The following ARHGAP29 variants were observed in gnomAD, a reference collection of about 807,000 sequenced individuals.
ARHGAP29 encodes the protein Rho GTPase activating protein 29.
ARHGAP29 carries 43 observed loss-of-function variants against 122.6 expected under a neutral mutation model. That is an observed-to-expected ratio of 0.35 (90% CI 0.27 to 0.45). ARHGAP29 has a LOEUF of 0.45. ARHGAP29 is among the 20% of genes least tolerant of loss of function. ARHGAP29 has a pLI of 1.00. For missense variants in ARHGAP29, 1,303 were observed against 1,477.2 expected (o/e 0.88, Z 1.93); for synonymous variants, 506 against 497.1 (o/e 1.02, Z -0.24).
upstream of ARHGAP29, among the ~76,000 whole-genome samples, chr1:94,238,053 ATTTTTTTTTTTTTTT>A (rs71717670): frequency 1.6e-5 from 1 of 61,008 alleles, no homozygotes; most frequent in South Asian, 7.0e-4. Flanking sequence ...GCCTATCTGT[ATTTTTTTTTTTTTTT>A]TTTTTTTTTT....
At position 94,269,082 on chromosome 1, in the gene ARHGAP29, A is replaced by G. The variant is rs182443050; in HGVS notation, c.-33+5930T>C. 1.1e-3 allele frequency among the ~76,000 whole-genome samples: 163 copies of G among 152,300 alleles called. 1 individual carries two copies. The highest frequency in any genetic ancestry group is 3.8e-3 in the African/African-American group (160 of 41,574). On this transcript the variant is annotated intron_variant and NMD_transcript_variant, in intron 1 of 25. Transcript: ENST00000552844. ...CTATTTTGAGGGAATGTTTATTTCT[A>G]AAGAAATAGCTATTTCATCACATAT...
chr1:94,202,809 A>G, intron 10 of ARHGAP29, 77 bp from the exon 11 acceptor site: 1 of 1,553,120 alleles, frequency 6.4e-7, no homozygotes, highest in Non-Finnish European at 8.7e-7. Context: ...ATTCAGCAAG[A>G]TAGTTAAGAC....
At chr1:94,237,683 C>T (rs1319198718), upstream of ARHGAP29, 4 of 985,474 alleles carry the variant, frequency 4.1e-6, no homozygotes, top group Non-Finnish European at 4.8e-6. Flanking sequence ...CTCCCGGGGG[C>T]GGGGCCGGCG....
At position 94,169,253 on chromosome 1, in the gene ARHGAP29, T is replaced by C. The variant is rs1298620426; in HGVS notation, c.*4616A>G. On this transcript the variant is annotated 3_prime_UTR_variant, in exon 23 of 23. Coordinates refer to ENST00000260526, the MANE Select transcript of ARHGAP29 (RefSeq NM_004815.4). ...AGATGACAGGAGCCTAGGATTCCAA[T>C]GGTGTGCTCAGGACTGACATCACTG... 6.6e-6 allele frequency among the ~76,000 whole-genome samples: 1 copy of C among 152,210 alleles called. No homozygotes were observed. The highest frequency in any genetic ancestry group is 1.5e-5 in the Non-Finnish European group (1 of 68,022).
intron 19 of ARHGAP29, among the ~76,000 whole-genome samples, chr1:94,180,311 G>A (rs768437450): frequency 1.1e-4 from 17 of 152,002 alleles, no homozygotes; most frequent in African/African-American, 4.1e-4. Flanking sequence ...TAAAACCCAG[G>A]ATAATGCACA....
chr1:94,251,245 A>G (rs1328713944), intron 1 of ARHGAP29, among the ~76,000 whole-genome samples: 2 of 147,004 alleles, frequency 1.4e-5, no homozygotes, highest in Non-Finnish European at 3.0e-5. Context: ...ATCTTGGCTT[A>G]CTGCAAGCTC....
At position 94,184,244 on chromosome 1, in the gene ARHGAP29, C is replaced by A; in HGVS notation, c.2154G>T (p.Leu718Phe). Residue 718 changes from leucine (L) to phenylalanine (F), a missense_variant, in exon 19 of 23, where the codon TTG (leucine) becomes TTT (phenylalanine). Around this residue, in one of 3 missense-constraint regions of ARHGAP29, gnomAD observed 620 missense variants for 651.2 expected, o/e 0.95. Coordinates refer to ENST00000260526, the MANE Select transcript of ARHGAP29 (RefSeq NM_004815.4). ...GCATTCCATTTTCCAAAGCTTGACA[C>A]AATTTTTCAGTTTTTATTTTGTTTC... The part of the protein sequence containing the change: ...VCGNKIKTEK[L>F]CQALENGMHL... 6.2e-7 allele frequency: 1 copy of A among 1,612,208 alleles called. No individual in the cohort carries two copies. The highest frequency in any genetic ancestry group is 8.5e-7 in the Non-Finnish European group (1 of 1,179,332).
the ARHGAP29 span, chr1:94,303,157 C>T: frequency 6.6e-6 from 1 of 152,410 alleles, no homozygotes; most frequent in Admixed American, 6.5e-5. Flanking sequence ...ACATCAGACA[C>T]CCTGAAAAGG....
At chr1:94,177,533 CT>C in intron 22 of ARHGAP29, 78 bp downstream of exon 22, 14 of 1,091,966 alleles carry the variant, frequency 1.3e-5, no homozygotes, top group Non-Finnish European at 1.7e-5. Context: ...CTCATTGCCC[CT>C]CACCTTGGTT....
chr1:94,223,586 TA>T (rs890165761), intron 2 of ARHGAP29, among the ~76,000 whole-genome samples: 1 of 151,752 alleles, frequency 6.6e-6, no homozygotes, highest in African/African-American at 2.4e-5. Context: ...ATTTGGCCAC[TA>T]AAAAAAACTA....
At chr1:94,220,141 T>G in intron 3 of ARHGAP29, 117 bp downstream of exon 3, 2 of 1,153,406 alleles carry the variant, frequency 1.7e-6, no homozygotes, top group Admixed American at 4.3e-5. Flanking sequence ...AACTCCTTAT[T>G]AACATACATC....
Position 94,188,832 on chromosome 1 carries a change from T to G in ARHGAP29, c.1681+5A>C, listed in dbSNP as rs747005767. ...TTTCATTGCCAGACTTAAATATAGA[T>G]GTACCTGGACTTATAGATTCTGAAT... On this transcript the variant is annotated splice_donor_5th_base_variant and intron_variant, in intron 15 of 22. Coordinates refer to ENST00000260526, the MANE Select transcript of ARHGAP29 (RefSeq NM_004815.4). The G allele has an allele frequency of 1.6e-5, 26 of 1,606,440 alleles. No individual in the cohort carries two copies. The East Asian group carries it at 5.1e-4, about 32-fold the overall frequency.
chr1:94,296,276 C>G, the ARHGAP29 span, among the ~76,000 whole-genome samples: 1 of 152,124 alleles, frequency 6.6e-6, no homozygotes, highest in Admixed American at 6.5e-5. Flanking sequence ...CTTAGTAGCT[C>G]TCTCAGTTAG....
At chr1:94,270,433 G>T (rs1216139817) in intron 1 of ARHGAP29, among the ~76,000 whole-genome samples, 1 of 152,182 alleles carries the variant, frequency 6.6e-6, no homozygotes, top group Non-Finnish European at 1.5e-5. Context: ...GGGATGCCAG[G>T]TACCCGGAAC....
chr1:94,256,382 A>G (rs1654346786), intron 1 of ARHGAP29, among the ~76,000 whole-genome samples: 1 of 152,130 alleles, frequency 6.6e-6, no homozygotes. Context: ...GGGCAGAGAA[A>G]GAAAATGCCC....
chr1:94,304,798 C>T, the ARHGAP29 span, among the ~76,000 whole-genome samples: 50 of 152,276 alleles, frequency 3.3e-4, no homozygotes, highest in African/African-American at 1.2e-3. Context: ...ATGTATTATT[C>T]ACTTTTTATT....
intron 1 of ARHGAP29, among the ~76,000 whole-genome samples, chr1:94,247,147 C>T (rs1653836161): frequency 1.3e-5 from 2 of 152,226 alleles, no homozygotes; most frequent in Middle Eastern, 3.4e-3. Flanking sequence ...GAAAACGTCA[C>T]CAAACTTCCA....
Position 94,208,739 on chromosome 1 carries a change from T to C in ARHGAP29, c.510+93A>G, listed in dbSNP as rs551068107. 4.0e-4 allele frequency: 498 copies of C among 1,258,246 alleles called. No homozygotes were observed. The Middle Eastern group carries it at 4.4e-3, about 11-fold the overall frequency. The allele number at this position is 1,258,246 out of a possible 1,614,324, so 77.9% of individuals were successfully genotyped here. ...CCTCCCAAAGTGCTGGGATTACAGG[T>C]ATGAGCCACCACCCCCGGCCTAAGA... is the stretch of plus-strand genomic sequence containing the variant. On this transcript the variant is annotated intron_variant, in intron 5 of 22. Transcript: ENST00000260526.
intron 1 of ARHGAP29, among the ~76,000 whole-genome samples, chr1:94,236,566 T>G (rs867129590): frequency 1.1e-4 from 17 of 152,106 alleles, no homozygotes; most frequent in African/African-American, 4.1e-4. Flanking sequence ...CCGAAAACAT[T>G]TGGGGCCAAT....
Sources: gnomAD v4.1 joint callset for allele counts (sites outside exome capture counted in the v4.1 genomes callset) on GRCh38, gnomAD v4.1.1 for gene constraint, gnomAD v4.1.1 regional missense constraint, MANE v1.5 for transcripts, NCBI Gene and HGNC (gene_info 2026-07-23, HGNC 2026-07-21) for gene names.